Variants in MECOM observed in about 807,000 individuals in gnomAD.
MECOM encodes MDS1 and EVI1 complex locus, also known as histone-lysine N-methyltransferase MECOM.
A neutral mutation model predicts 116.3 loss-of-function variants in MECOM; 13 were observed. The ratio of observed to expected loss-of-function variants is 0.11; its 90% confidence interval spans 0.07 to 0.18. The LOEUF (loss-of-function observed/expected upper bound fraction) is 0.18. Among genes scored for constraint, MECOM ranks in the 10% least tolerant of loss-of-function variants. MECOM has a pLI of 1.00. For synonymous variants in MECOM, 528 were observed against 535.2 expected (o/e 0.99, Z 0.19); for missense variants, 1,299 against 1,509.0 (o/e 0.86, Z 2.31).
At chr3:169,174,342 C>G (rs1003753669) in intron 2 of MECOM, among the ~76,000 whole-genome samples, 1 of 152,172 alleles carries the variant, frequency 6.6e-6, no homozygotes, top group African/African-American at 2.4e-5. Flanking sequence ...TACCACCAAG[C>G]ACTTCCTTCT....
At chr3:169,518,776 C>T (rs952876236) in intron 1 of MECOM, among the ~76,000 whole-genome samples, 10 of 152,124 alleles carry the variant, frequency 6.6e-5, no homozygotes, top group African/African-American at 2.4e-4. Flanking sequence ...ATTATGGAGA[C>T]AGGTCTTTTC....
chr3:169,241,332 G>A (rs1454445794), intron 2 of MECOM, among the ~76,000 whole-genome samples: 3 of 152,048 alleles, frequency 2.0e-5, no homozygotes, highest in Non-Finnish European at 4.4e-5. Context: ...TAAAAAACTT[G>A]GCAGGATAAC....
intron 1 of MECOM, among the ~76,000 whole-genome samples, chr3:169,584,405 A>T (rs1222828450): frequency 1.3e-5 from 2 of 151,530 alleles, no homozygotes; most frequent in Non-Finnish European, 2.9e-5. Context: ...CTCTACTAAA[A>T]ATACAAAAAA....
chr3:169,215,723 T>C (rs1751344674), intron 2 of MECOM, among the ~76,000 whole-genome samples: 1 of 152,180 alleles, frequency 6.6e-6, no homozygotes, highest in Non-Finnish European at 1.5e-5. Flanking sequence ...CTGGGTAAAG[T>C]AAGAGCAGTG....
chr3:169,597,042 A>G (rs1219842676), intron 1 of MECOM, among the ~76,000 whole-genome samples: 3 of 152,180 alleles, frequency 2.0e-5, no homozygotes, highest in Non-Finnish European at 4.4e-5. Flanking sequence ...AAGCTAGGGT[A>G]TAGGAAAGAT....
chr3:169,125,511 A>G (rs898774966), intron 5 of MECOM, among the ~76,000 whole-genome samples: 5 of 152,146 alleles, frequency 3.3e-5, no homozygotes, highest in African/African-American at 1.2e-4. Flanking sequence ...AGAGTATATT[A>G]TGAACATGTA....
intron 2 of MECOM, among the ~76,000 whole-genome samples, chr3:169,361,973 C>T (rs1728377071): frequency 6.6e-6 from 1 of 151,994 alleles, no homozygotes; most frequent in Middle Eastern, 3.4e-3. Context: ...TCTCTGCTAA[C>T]ATATAAAATG....
At chr3:169,487,923 T>C (rs1752600453) in intron 1 of MECOM, among the ~76,000 whole-genome samples, 1 of 152,148 alleles carries the variant, frequency 6.6e-6, no homozygotes, top group East Asian at 1.9e-4. Context: ...CATTATTCCC[T>C]AATTATTACA....
intron 1 of MECOM, among the ~76,000 whole-genome samples, chr3:169,443,829 C>A (rs1361999349): frequency 1.3e-5 from 2 of 152,218 alleles, no homozygotes; most frequent in Non-Finnish European, 2.9e-5. Flanking sequence ...AAAAGTCCAG[C>A]TACTCTGAAC....
intron 2 of MECOM, among the ~76,000 whole-genome samples, chr3:169,177,033 T>C (rs931310934): frequency 3.9e-5 from 6 of 152,166 alleles, no homozygotes; most frequent in African/African-American, 9.7e-5. Context: ...GTAAGTAAGT[T>C]TAACCAGTGT....
At chr3:169,372,169 T>C (rs747253613) in intron 2 of MECOM, among the ~76,000 whole-genome samples, 1 of 152,060 alleles carries the variant, frequency 6.6e-6, no homozygotes, top group Non-Finnish European at 1.5e-5. Flanking sequence ...TAAATGTATG[T>C]ATGTTCGAAA....
chr3:169,298,576 C>T (rs1365347803), intron 2 of MECOM, among the ~76,000 whole-genome samples: 1 of 151,716 alleles, frequency 6.6e-6, no homozygotes, highest in Non-Finnish European at 1.5e-5. Flanking sequence ...GAATTTGGCC[C>T]TAGGGTACTG....
chr3:169,152,994 C>A (rs988734148), intron 2 of MECOM, among the ~76,000 whole-genome samples: 1 of 152,086 alleles, frequency 6.6e-6, no homozygotes, highest in Non-Finnish European at 1.5e-5. Context: ...TTATTATACT[C>A]AAAGTTTTAT....
rs1765491698 is a variant in MECOM, at chr3:169,584,356, G to C, written c.37+78980C>G. On this transcript the variant is annotated intron_variant, in intron 1 of 16. Transcript: ENST00000651503. ...CGGGGCGGGCGGATCACGAGGTCTG[G>C]AGATAGAGACCATCTTGGCTAACAC... Among the ~76,000 whole-genome samples, 4 of 151,480 alleles carry C rather than the reference G, an allele frequency of 2.6e-5. No homozygotes were observed. In the South Asian group the frequency reaches 8.4e-4, roughly 32 times the overall value.
intron 2 of MECOM, among the ~76,000 whole-genome samples, chr3:169,331,439 G>C (rs566638355): frequency 6.6e-6 from 1 of 152,132 alleles, no homozygotes; most frequent in South Asian, 2.1e-4. Context: ...AGCCATAAAA[G>C]TGTTAATTAT....
At chr3:169,471,934 A>G (rs971019348) in intron 1 of MECOM, among the ~76,000 whole-genome samples, 1 of 152,180 alleles carries the variant, frequency 6.6e-6, no homozygotes, top group Admixed American at 6.5e-5. Flanking sequence ...TTTGTTGTCC[A>G]CATGTCTTGA....
intron 2 of MECOM, among the ~76,000 whole-genome samples, chr3:169,194,116 A>G (rs1040422659): frequency 2.0e-5 from 3 of 152,058 alleles, no homozygotes; most frequent in Non-Finnish European, 4.4e-5. Flanking sequence ...CAGTTACTGT[A>G]CCTTTCAAGA....
rs1349446825 is a variant in MECOM at position 169,497,342 on chromosome 3, C to CTT, written c.38-115820_38-115819dup. ...CTAATTCTTCAATTTTTCTCTTTTT[C>CTT]TTTTTCTTTTTTTTTTCTTTTGAGA... On this transcript the variant is annotated intron_variant, in intron 1 of 16. Coordinates refer to ENST00000651503, the MANE Select transcript of MECOM (RefSeq NM_004991.4). Among the ~76,000 whole-genome samples, 6 of 150,190 alleles carry CTT rather than the reference C, an allele frequency of 4.0e-5. 1 individual carries two copies. Among genetic ancestry groups the CTT allele is most frequent in the African/African-American group, 1.5e-4 (6 of 41,044 alleles).
At position 169,192,143 on chromosome 3, in the gene MECOM, A is replaced by G. The variant is rs540891679; in HGVS notation, c.376-48311T>C. ...GCCAACAGTTTATTATAAGTCTGGA[A>G]TGAAGTCTCAACTTCTTCACTAAGA... On this transcript the variant is annotated intron_variant, in intron 2 of 16. Transcript: ENST00000651503. 9.3e-4 allele frequency among the ~76,000 whole-genome samples: 142 copies of G among 152,176 alleles called. 2 individuals carry two copies. Among genetic ancestry groups the G allele is most frequent in the African/African-American group, 3.3e-3 (136 of 41,552 alleles).
Sources: gnomAD v4.1 joint callset for allele counts (sites outside exome capture counted in the v4.1 genomes callset) on GRCh38, gnomAD v4.1.1 for gene constraint, MANE v1.5 for transcripts, NCBI Gene and HGNC (gene_info 2026-07-23, HGNC 2026-07-21) for gene names.